The following CDH12 variants were observed in gnomAD, a reference collection of about 807,000 sequenced individuals.
CDH12 encodes the protein cadherin 12.
Under a neutral mutation model 74.1 loss-of-function variants are expected in CDH12, and 41 were observed. The observed-to-expected ratio is 0.55, with a 90% confidence interval of 0.43 to 0.72. The LOEUF is 0.72. Among genes scored for constraint, CDH12 ranks in the 30% least tolerant of loss-of-function variants. The pLI is 0.00. For synonymous variants in CDH12, 399 were observed against 355.0 expected (o/e 1.12, Z -1.39); for missense variants, 945 against 977.2 (o/e 0.97, Z 0.44).
At chr5:22,154,190 C>A (rs1028596042) in intron 4 of CDH12, among the ~76,000 whole-genome samples, 12 of 150,678 alleles carry the variant, frequency 8.0e-5, no homozygotes, top group African/African-American at 2.7e-4. Flanking sequence ...TTACCACAAT[C>A]AAGCTAGTTA....
At chr5:22,673,737 A>C (rs933252177) in intron 1 of CDH12, among the ~76,000 whole-genome samples, 1 of 152,126 alleles carries the variant, frequency 6.6e-6, no homozygotes, top group Middle Eastern at 3.2e-3. Context: ...TCACCTCCCT[A>C]TCAATGAACT....
At chr5:22,077,175 G>A (rs1180989411) in intron 5 of CDH12, among the ~76,000 whole-genome samples, 1 of 151,864 alleles carries the variant, frequency 6.6e-6, no homozygotes, top group Non-Finnish European at 1.5e-5. Context: ...ACATAGATAG[G>A]TGCCCTGCAA....
intron 1 of CDH12, among the ~76,000 whole-genome samples, chr5:22,801,710 A>G (rs1289727826): frequency 7.1e-6 from 1 of 141,140 alleles, no homozygotes; most frequent in Non-Finnish European, 1.5e-5. Flanking sequence ...GGGAGAACAC[A>G]TAAGATTTTA....
intron 6 of CDH12, among the ~76,000 whole-genome samples, chr5:21,874,646 C>T (rs1751833593): frequency 6.6e-6 from 1 of 152,150 alleles, no homozygotes; most frequent in African/African-American, 2.4e-5. Flanking sequence ...GCACATTCTT[C>T]TGGTCTGTGT....
chr5:21,854,806 A>G lies in CDH12; in HGVS notation c.527-16T>C, dbSNP rs753144584. The G allele has an allele frequency of 1.2e-6, 2 of 1,601,790 alleles. No individual in the cohort carries two copies. The highest frequency in any genetic ancestry group is 1.7e-6 in the Non-Finnish European group (2 of 1,174,774). ...ACATATGCACCTGGAAAATAAGACA[A>G]TATCACTCTAGCATTTTTGTTTTAC... is the stretch of plus-strand genomic sequence containing the variant. On this transcript the variant is annotated splice_polypyrimidine_tract_variant and intron_variant, in intron 6 of 14. Transcript: ENST00000382254.
chr5:21,887,947 A>G (rs1579912957), intron 6 of CDH12, among the ~76,000 whole-genome samples: 1 of 151,632 alleles, frequency 6.6e-6, no homozygotes, highest in Non-Finnish European at 1.5e-5. Context: ...GTTTTCTTTC[A>G]CCTCTTTCCA....
At chr5:22,000,328 A>G (rs1487777252) in intron 5 of CDH12, among the ~76,000 whole-genome samples, 7 of 152,270 alleles carry the variant, frequency 4.6e-5, no homozygotes, top group Non-Finnish European at 1.0e-4. Flanking sequence ...GCCTGAGCCA[A>G]TATCTATGTG....
chr5:22,491,190 C>T (rs1746848072), intron 2 of CDH12, among the ~76,000 whole-genome samples: 1 of 152,148 alleles, frequency 6.6e-6, no homozygotes, highest in South Asian at 2.1e-4. Flanking sequence ...TTGTTCCCAT[C>T]TTTGTGCCCA....
At chr5:22,287,815 G>T (rs2968386) in intron 3 of CDH12, among the ~76,000 whole-genome samples, 151,152 of 152,080 alleles carry the variant, frequency 0.99, 75,128 homozygotes, top group Middle Eastern at 1. Context: ...AATATAAATT[G>T]AAGTTTCAGA....
At chr5:22,683,994 G>A (rs1197475160) in intron 1 of CDH12, among the ~76,000 whole-genome samples, 1 of 152,174 alleles carries the variant, frequency 6.6e-6, no homozygotes, top group African/African-American at 2.4e-5. Flanking sequence ...TAAAAAGGCA[G>A]TGATATAACT....
At chr5:22,045,311 G>A (rs1739861653) in intron 5 of CDH12, among the ~76,000 whole-genome samples, 1 of 152,084 alleles carries the variant, frequency 6.6e-6, no homozygotes, top group South Asian at 2.1e-4. Flanking sequence ...TGAGGTAGTT[G>A]AGAAAAGAGC....
chr5:22,799,887 TA>T (rs1489084585), intron 1 of CDH12, among the ~76,000 whole-genome samples: 3 of 152,172 alleles, frequency 2.0e-5, no homozygotes, highest in African/African-American at 7.2e-5. Flanking sequence ...GGAAAATTAG[TA>T]AAAATTATAC....
At chr5:21,958,759 T>C (rs1193454942) in intron 6 of CDH12, among the ~76,000 whole-genome samples, 2 of 152,198 alleles carry the variant, frequency 1.3e-5, no homozygotes, top group Admixed American at 6.5e-5. Flanking sequence ...TTTCTTAAGA[T>C]TGCCTTGGCT....
chr5:22,015,429 A>T (rs1005813088), intron 5 of CDH12, among the ~76,000 whole-genome samples: 1 of 152,216 alleles, frequency 6.6e-6, no homozygotes, highest in African/African-American at 2.4e-5. Context: ...ATGTAATTCA[A>T]CAAGAAAAAT....
intron 1 of CDH12, among the ~76,000 whole-genome samples, chr5:22,623,203 A>T (rs1433137299): frequency 6.6e-6 from 1 of 152,208 alleles, no homozygotes; most frequent in African/African-American, 2.4e-5. Flanking sequence ...ACAAACCCAC[A>T]GCCAATATCA....
intron 3 of CDH12, among the ~76,000 whole-genome samples, chr5:22,359,396 T>G (rs1311962594): frequency 1.3e-5 from 2 of 152,156 alleles, no homozygotes; most frequent in Non-Finnish European, 1.5e-5. Flanking sequence ...TAAATACATA[T>G]GCACCCAATA....
intron 1 of CDH12, among the ~76,000 whole-genome samples, chr5:22,593,113 A>G (rs1736429877): frequency 6.6e-6 from 1 of 151,682 alleles, no homozygotes; most frequent in South Asian, 2.1e-4. Context: ...TCTTGTACTA[A>G]CCCTCATTGG....
intron 6 of CDH12, among the ~76,000 whole-genome samples, chr5:21,945,826 G>T (rs1243467627): frequency 6.6e-6 from 1 of 151,842 alleles, no homozygotes; most frequent in African/African-American, 2.4e-5. Context: ...AATCACAGGG[G>T]ATATAGAAGA....
chr5:22,640,760 T>A (rs1438831823), intron 1 of CDH12, among the ~76,000 whole-genome samples: 1 of 152,164 alleles, frequency 6.6e-6, no homozygotes, highest in African/African-American at 2.4e-5. Flanking sequence ...GCAAAACCCA[T>A]CACTTTCCAA....
Sources: allele counts gnomAD v4.1 joint callset (sites outside exome capture counted in the v4.1 genomes callset), GRCh38; gene constraint gnomAD v4.1.1; transcripts MANE v1.5; gene names NCBI Gene and HGNC (gene_info 2026-07-23, HGNC 2026-07-21).